The following COL14A1 variants were observed in gnomAD, a reference collection of about 807,000 sequenced individuals.
COL14A1 encodes the protein collagen type XIV alpha 1 chain.
COL14A1 carries 136 observed loss-of-function variants against 230.3 expected under a neutral mutation model. The observed-to-expected ratio is 0.59, with a 90% CI of 0.51 to 0.68. The LOEUF is 0.68. Among genes scored for constraint, COL14A1 ranks in the 30% least tolerant of loss-of-function variants. The probability of loss-of-function intolerance (pLI) is 0.00; values close to 1 mark genes in which losing one functional copy is unlikely to be tolerated. For missense variants in COL14A1, 1,976 were observed against 2,215.8 expected, an observed-to-expected ratio of 0.89 and a Z score of 2.17; for synonymous variants, 792 against 784.1, an observed-to-expected ratio of 1.01 and a Z score of -0.17.
intron 25 of COL14A1, among the ~76,000 whole-genome samples, chr8:120,269,214 A>G (rs752941499): frequency 4.0e-5 from 6 of 151,824 alleles, no homozygotes; most frequent in Non-Finnish European, 5.9e-5. Context: ...TCATCATAAA[A>G]CAGATTCAAC....
intron 26 of COL14A1, among the ~76,000 whole-genome samples, chr8:120,273,669 A>G (rs1286170542): frequency 6.6e-6 from 1 of 151,648 alleles, no homozygotes; most frequent in East Asian, 1.9e-4. Flanking sequence ...ACACCTCTAT[A>G]CATAGAAACT....
intron 1 of COL14A1, among the ~76,000 whole-genome samples, chr8:120,139,990 T>C (rs1302749765): frequency 6.6e-6 from 1 of 152,144 alleles, no homozygotes; most frequent in Admixed American, 6.5e-5. Flanking sequence ...TTCATGCCAC[T>C]GCACTCCAGC....
At chr8:120,273,785 G>A (rs1159924491) in intron 26 of COL14A1, among the ~76,000 whole-genome samples, 1 of 138,218 alleles carries the variant, frequency 7.2e-6, no homozygotes, top group Non-Finnish European at 1.6e-5. Flanking sequence ...GATTGCATCA[G>A]TGATTTTAAA....
chr8:120,369,618 T>C, intron 47 of COL14A1, 133 bp downstream of exon 47: 1 of 848,034 alleles, frequency 1.2e-6, no homozygotes, highest in Non-Finnish European at 1.7e-6. Context: ...AATGCCTCAC[T>C]TCCTTAAATT....
intron 33 of COL14A1, among the ~76,000 whole-genome samples, 163 bp from the exon 34 acceptor site, chr8:120,289,445 T>C (rs111701248): frequency 6.6e-6 from 1 of 152,148 alleles, no homozygotes; most frequent in Non-Finnish European, 1.5e-5. Context: ...GGGAAAATCA[T>C]GGAGATGATA....
chr8:120,224,955 G>A (rs925947337), intron 14 of COL14A1, 133 bp from the exon 15 acceptor site: 10 of 750,656 alleles, frequency 1.3e-5, no homozygotes, highest in Non-Finnish European at 2.1e-5. Context: ...ACATAAACTG[G>A]TTTTATAATT....
At chr8:120,185,569 A>T (rs375585086) in intron 5 of COL14A1, among the ~76,000 whole-genome samples, 27 of 152,188 alleles carry the variant, frequency 1.8e-4, no homozygotes, top group Middle Eastern at 3.4e-3. Flanking sequence ...CAGGAGGCTG[A>T]GGCGGGATCA....
chr8:120,350,301 A>G (rs1338248462), intron 45 of COL14A1, among the ~76,000 whole-genome samples: 5 of 150,850 alleles, frequency 3.3e-5, no homozygotes, highest in Non-Finnish European at 7.4e-5. Flanking sequence ...TGTAAAGACC[A>G]TCAAGACTAG....
intron 36 of COL14A1, among the ~76,000 whole-genome samples, chr8:120,307,647 A>T (rs1217232325): frequency 6.6e-6 from 1 of 152,222 alleles, no homozygotes; most frequent in Non-Finnish European, 1.5e-5. Flanking sequence ...AAATGCAAAT[A>T]GATAAACTTA....
At chr8:120,153,969 C>T (rs1360864690) in intron 2 of COL14A1, among the ~76,000 whole-genome samples, 4 of 151,870 alleles carry the variant, frequency 2.6e-5, no homozygotes, top group Non-Finnish European at 4.4e-5. Context: ...AGACTTTAGC[C>T]GGGGGAGGAT....
intron 44 of COL14A1, among the ~76,000 whole-genome samples, chr8:120,344,019 T>C (rs1822409478): frequency 6.6e-6 from 1 of 152,122 alleles, no homozygotes; most frequent in Non-Finnish European, 1.5e-5. Flanking sequence ...AAATCAAGGG[T>C]TCAAAATCAA....
intron 8 of COL14A1, among the ~76,000 whole-genome samples, chr8:120,200,711 C>A (rs368596771): frequency 1.3e-5 from 1 of 76,812 alleles, no homozygotes; most frequent in African/African-American, 4.6e-5. Flanking sequence ...AAAAGTTTTC[C>A]TATTTATATA....
chr8:120,149,949 C>T (rs1815226177), intron 2 of COL14A1, among the ~76,000 whole-genome samples: 2 of 152,184 alleles, frequency 1.3e-5, no homozygotes, highest in Admixed American at 1.3e-4. Context: ...CCTCCTTGGC[C>T]TCCCAAAGTG....
At position 120,227,083 on chromosome 8, in the gene COL14A1, G is replaced by A. The variant is rs182671857; in HGVS notation, c.2005-137G>A. On this transcript the variant is annotated intron_variant, in intron 16 of 47. Transcript: ENST00000297848. ...GGGGATTGAAAGGAATAAAGTCTCT[G>A]GCTTGACCTTAAAATGGACTTCGAC... The A allele has an allele frequency of 3.0e-3, 2,733 of 913,156 alleles. 7 individuals are homozygous for A. The highest frequency in any genetic ancestry group is 3.9e-3 in the Non-Finnish European group (2,421 of 626,380). The allele number at this position is 913,156 out of a possible 1,614,324, so 56.6% of individuals were successfully genotyped here.
chr8:120,326,670 T>C (rs1474910881), intron 40 of COL14A1, among the ~76,000 whole-genome samples: 2 of 152,150 alleles, frequency 1.3e-5, no homozygotes, highest in Non-Finnish European at 1.5e-5. Flanking sequence ...TATCACAATT[T>C]ATAATAAGAA....
intron 26 of COL14A1, among the ~76,000 whole-genome samples, chr8:120,272,909 G>A (rs562617806): frequency 2.6e-5 from 4 of 151,684 alleles, no homozygotes; most frequent in Admixed American, 2.6e-4. Context: ...CAACAAAGAA[G>A]CAATGGTCTC....
At chr8:120,150,297 G>A (rs1374104682) in intron 2 of COL14A1, among the ~76,000 whole-genome samples, 2 of 152,138 alleles carry the variant, frequency 1.3e-5, no homozygotes, top group Non-Finnish European at 2.9e-5. Flanking sequence ...ACTCATGGGG[G>A]TTTGAGGGAT....
At chr8:120,310,149 T>C (rs947626127) in intron 37 of COL14A1, 87 bp downstream of exon 37, 6 of 1,379,252 alleles carry the variant, frequency 4.4e-6, no homozygotes, top group Non-Finnish European at 5.1e-6. Context: ...ATGTGACTTA[T>C]TTCACCCTTG....
chr8:120,342,266 G>A lies in COL14A1; in HGVS notation c.4822-114G>A, dbSNP rs63246862. 467,468 of 1,017,622 alleles carry A rather than the reference G, an allele frequency of 0.46. 109,782 individuals are homozygous for A. Among genetic ancestry groups the A allele is most frequent in the African/African-American group, 0.68 (42,688 of 62,960 alleles). 63.0% of individuals were successfully genotyped at this position (1,017,622 alleles called of 1,614,324 possible). A position where few individuals can be genotyped will look rare whatever the true frequency, so the allele number is the denominator to read the frequency against. On this transcript the variant is annotated intron_variant, in intron 43 of 47. Transcript: ENST00000297848. ...GGTGGTCAAACCCACCTGTTGCTAG[G>A]GGCCAAAGATCCCTGATGGGAACAA...
Sources: allele counts gnomAD v4.1 joint callset (sites outside exome capture counted in the v4.1 genomes callset), GRCh38; gene constraint gnomAD v4.1.1; transcripts MANE v1.5; gene names NCBI Gene and HGNC (gene_info 2026-07-23, HGNC 2026-07-21).